Variants in TATDN3 observed in about 807,000 individuals in gnomAD.
TATDN3 encodes the protein TatD DNase domain containing 3.
A neutral mutation model predicts 40.1 loss-of-function variants in TATDN3; 29 were observed. The observed-to-expected ratio is 0.72, with a 90% CI of 0.54 to 0.99. The LOEUF is 0.99. Among genes scored for constraint, TATDN3 ranks in the 50% least tolerant of loss-of-function variants. The pLI is 0.00. For synonymous variants in TATDN3, 105 were observed against 117.0 expected, an observed-to-expected ratio of 0.90 and a Z score of 0.66; for missense variants, 309 against 321.9, an observed-to-expected ratio of 0.96 and a Z score of 0.31.
intron 8 of TATDN3, among the ~76,000 whole-genome samples, chr1:212,811,595 T>C (rs1017851360): frequency 5.9e-5 from 9 of 151,996 alleles, no homozygotes; most frequent in African/African-American, 2.2e-4. Context: ...TAATTTTTTT[T>C]TGAGGCGGAG....
chr1:212,811,451 A>G (rs991687499), intron 8 of TATDN3, among the ~76,000 whole-genome samples: 6 of 151,698 alleles, frequency 4.0e-5, no homozygotes, highest in African/African-American at 1.5e-4. Context: ...CTCAGTAGAG[A>G]TGGGGTTTTA....
chr1:212,794,853 CA>C (rs1420231350), intron 1 of TATDN3: 1 of 629,706 alleles, frequency 1.6e-6, no homozygotes, highest in East Asian at 3.2e-5. Context: ...AAGATGAGGA[CA>C]GAGAAATACC....
At chr1:212,799,424 A>G (rs1409294654) in intron 4 of TATDN3, among the ~76,000 whole-genome samples, 1 of 152,192 alleles carries the variant, frequency 6.6e-6, no homozygotes, top group Non-Finnish European at 1.5e-5. Context: ...CCAGAGTACT[A>G]GCATTGGAGG....
intron 3 of TATDN3, 73 bp from the exon 4 acceptor site, chr1:212,797,039 A>G: frequency 1.7e-6 from 2 of 1,208,352 alleles, no homozygotes; most frequent in Non-Finnish European, 2.4e-6. Flanking sequence ...CCCGACCTCT[A>G]CTTATTCTTT....
chr1:212,812,095 A>T, intron 8 of TATDN3, 153 bp from the exon 9 acceptor site: 1 of 481,062 alleles, frequency 2.1e-6, no homozygotes, highest in South Asian at 2.9e-5. Context: ...GGCCTCCCAA[A>T]GTGCTGGGAT....
At chr1:212,798,509 C>G (rs1413691998) in intron 4 of TATDN3, among the ~76,000 whole-genome samples, 1 of 108,158 alleles carries the variant, frequency 9.2e-6, no homozygotes, top group Non-Finnish European at 1.7e-5. Context: ...CCAGCCTGGG[C>G]AACATGGACG....
chr1:212,815,465 G>T lies in TATDN3; in HGVS notation c.*309G>T. The T allele has an allele frequency of 4.2e-6, 1 of 238,184 alleles. No homozygotes were observed. Among genetic ancestry groups the T allele is most frequent in the Admixed American group, 5.1e-5 (1 of 19,460 alleles). The allele number at this position is 238,184 out of a possible 1,614,324, so 14.8% of individuals were successfully genotyped here. On this transcript the variant is annotated 3_prime_UTR_variant, in exon 10 of 10. Transcript: ENST00000366974. ...GAACTGAAACCATTGCTACTGGGAA[G>T]GGTGGCTCCCACAGGAAGAGTATAA... is the stretch of plus-strand genomic sequence containing the variant.
chr1:212,801,147 A>C (rs1662153859), intron 4 of TATDN3, among the ~76,000 whole-genome samples: 1 of 151,810 alleles, frequency 6.6e-6, no homozygotes, highest in South Asian at 2.1e-4. Context: ...CTATGATCGC[A>C]CCACTGCACA....
rs777540286 is a variant in TATDN3 at position 212,795,137 on chromosome 1, T to C, written c.99+10T>C. On this transcript the variant is annotated intron_variant, in intron 2 of 9. Transcript: ENST00000366974. ...GGAGAAAGCCAAGAAGGTAAGTCAA[T>C]ATTTGTAATTGCTCTTTTGGTTTTT... The C allele has an allele frequency of 3.1e-6, 5 of 1,609,078 alleles. No homozygotes were observed. The highest frequency in any genetic ancestry group is 1.1e-5 in the South Asian group (1 of 90,704).
chr1:212,799,206 T>C (rs1001678414), intron 4 of TATDN3, among the ~76,000 whole-genome samples: 19 of 152,114 alleles, frequency 1.2e-4, no homozygotes, highest in African/African-American at 4.3e-4. Flanking sequence ...CAGGACCTTG[T>C]TGGATTTTAG....
rs2102496006 is a variant in TATDN3 at position 212,816,377 on chromosome 1, A to G, written c.*1221A>G. 6.6e-6 allele frequency: 1 copy of G among 152,330 alleles called. No homozygotes were observed. The highest frequency in any genetic ancestry group is 1.9e-4 in the East Asian group (1 of 5,188). 9.4% of individuals were successfully genotyped at this position (152,330 alleles called of 1,614,324 possible). On this transcript the variant is annotated 3_prime_UTR_variant, in exon 10 of 10. Transcript: ENST00000366974. Reference sequence around the variant, plus strand: ...ATCTCAAGTGTAAAAACAGTTCTGTAGATAGATGGTAGTGATGGTAGCACA... The same window carrying G: ...ATCTCAAGTGTAAAAACAGTTCTGTGGATAGATGGTAGTGATGGTAGCACA...
chr1:212,805,772 A>G (rs1398527290), intron 7 of TATDN3, among the ~76,000 whole-genome samples: 1 of 152,246 alleles, frequency 6.6e-6, no homozygotes, highest in Non-Finnish European at 1.5e-5. Context: ...AAGTAAAATT[A>G]CATCTTATGG....
chr1:212,800,203 G>T (rs900082661), intron 4 of TATDN3, among the ~76,000 whole-genome samples: 6 of 152,076 alleles, frequency 3.9e-5, no homozygotes, highest in African/African-American at 1.2e-4. Context: ...TAGGCACTGG[G>T]GATAAACCAC....
chr1:212,811,810 C>A (rs1003252634), intron 8 of TATDN3, among the ~76,000 whole-genome samples: 1 of 151,974 alleles, frequency 6.6e-6, no homozygotes, highest in African/African-American at 2.4e-5. Context: ...TCAAGTGATT[C>A]TTCTTCCTCA....
intron 1 of TATDN3, among the ~76,000 whole-genome samples, chr1:212,794,033 C>T (rs1661550376): frequency 6.6e-6 from 1 of 152,124 alleles, no homozygotes; most frequent in African/African-American, 2.4e-5. Flanking sequence ...GTAATCTCAG[C>T]ACTTTGGGAG....
At chr1:212,797,379 T>C in intron 4 of TATDN3, 183 bp downstream of exon 4, 1 of 569,272 alleles carries the variant, frequency 1.8e-6, no homozygotes, top group Non-Finnish European at 3.1e-6. Context: ...AGAAACAGCC[T>C]AGAGGTTCAG....
At chr1:212,800,885 G>A (rs1332860758) in intron 4 of TATDN3, among the ~76,000 whole-genome samples, 1 of 147,604 alleles carries the variant, frequency 6.8e-6, no homozygotes, top group African/African-American at 2.5e-5. Context: ...ATAGGGGTAT[G>A]TAATCTTTTT....
chr1:212,792,391 G>A (rs953048440), intron 1 of TATDN3, among the ~76,000 whole-genome samples: 106 of 151,956 alleles, frequency 7.0e-4, no homozygotes, highest in African/African-American at 2.4e-3. Flanking sequence ...CAGCACTTTG[G>A]GAGGCCGAGG....
chr1:212,801,815 C>T (rs1662196114), intron 4 of TATDN3, among the ~76,000 whole-genome samples: 1 of 152,138 alleles, frequency 6.6e-6, no homozygotes, highest in Non-Finnish European at 1.5e-5. Context: ...TTCAAGTCTA[C>T]TAGAATATAT....
Sources: gnomAD v4.1 joint callset for allele counts (sites outside exome capture counted in the v4.1 genomes callset) on GRCh38, gnomAD v4.1.1 for gene constraint, MANE v1.5 for transcripts, NCBI Gene and HGNC (gene_info 2026-07-23, HGNC 2026-07-21) for gene names.